CDCA2: variants seen among roughly 807,000 people sequenced by gnomAD.
CDCA2 encodes the protein cell division cycle associated 2.
A neutral mutation model predicts 67.0 loss-of-function variants in CDCA2; 44 were observed. The ratio of observed to expected loss-of-function variants is 0.66; its 90% confidence interval spans 0.52 to 0.84. The LOEUF is 0.84. CDCA2 is among the 40% of genes least tolerant of loss of function. The pLI is 0.00. For synonymous variants in CDCA2, 447 were observed against 418.7 expected, an observed-to-expected ratio of 1.07 and a Z score of -0.82; for missense variants, 1,253 against 1,203.2, an observed-to-expected ratio of 1.04 and a Z score of -0.61.
In CDCA2 at chr8:25,507,802, C is replaced by T; in HGVS notation, c.*64C>T. 11 of 1,486,652 alleles carry T rather than the reference C, an allele frequency of 7.4e-6. No homozygotes were observed. Among genetic ancestry groups the T allele is most frequent in the Non-Finnish European group, 9.8e-6 (11 of 1,120,926 alleles). 92.1% of individuals were successfully genotyped at this position (1,486,652 alleles called of 1,614,324 possible). On this transcript the variant is annotated 3_prime_UTR_variant, in exon 15 of 15. Transcript: ENST00000330560. Reference sequence around the variant, plus strand: ...AACCATCTATGCTGAAATGATCTGTCTAGTTCCCATTCTCTGTTCAACCTC... The same window carrying T: ...AACCATCTATGCTGAAATGATCTGTTTAGTTCCCATTCTCTGTTCAACCTC...
At chr8:25,506,330 G>A (rs541788586) in intron 14 of CDCA2, among the ~76,000 whole-genome samples, 180 bp from the exon 15 acceptor site, 8 of 152,276 alleles carry the variant, frequency 5.3e-5, no homozygotes, top group Admixed American at 3.3e-4. Context: ...CCTGTGGATC[G>A]TTGGAGAACT....
In CDCA2 at chr8:25,507,836, A is replaced by C; in HGVS notation, c.*98A>C. 1 of 1,282,084 alleles carries C rather than the reference A, an allele frequency of 7.8e-7. No individual in the cohort carries two copies. The highest frequency in any genetic ancestry group is 1.0e-6 in the Non-Finnish European group (1 of 968,312). 79.4% of individuals were successfully genotyped at this position (1,282,084 alleles called of 1,614,324 possible). A position where few individuals can be genotyped will look rare whatever the true frequency, so the allele number is the denominator to read the frequency against. On this transcript the variant is annotated 3_prime_UTR_variant, in exon 15 of 15. Coordinates refer to ENST00000330560, the MANE Select transcript of CDCA2 (RefSeq NM_152562.4). ...ATTCTCTGTTCAACCTCAGTGTTTC[A>C]AAAGTTCCTAATAAATAAACTCATT...
At chr8:25,475,081 A>G (rs1424076535) in intron 7 of CDCA2, among the ~76,000 whole-genome samples, 1 of 152,290 alleles carries the variant, frequency 6.6e-6, no homozygotes, top group African/African-American at 2.4e-5. Flanking sequence ...TGTACCTTTC[A>G]TGGGTAATTG....
At chr8:25,462,968 C>A (rs1212265866) in intron 4 of CDCA2, among the ~76,000 whole-genome samples, 1 of 152,164 alleles carries the variant, frequency 6.6e-6, no homozygotes. Context: ...AGTGCTCAAC[C>A]CAAACGAGGG....
intron 13 of CDCA2, among the ~76,000 whole-genome samples, chr8:25,497,189 G>C (rs1407512009): frequency 1.3e-5 from 2 of 151,982 alleles, no homozygotes; most frequent in Non-Finnish European, 2.9e-5. Context: ...AAACATTACG[G>C]GGGTTCCTCA....
intron 4 of CDCA2, among the ~76,000 whole-genome samples, chr8:25,464,189 G>A (rs924860076): frequency 2.0e-5 from 3 of 152,218 alleles, no homozygotes; most frequent in Admixed American, 2.0e-4. Flanking sequence ...AAAGGAGGGA[G>A]GATCGTTCGA....
intron 13 of CDCA2, among the ~76,000 whole-genome samples, chr8:25,500,398 A>C (rs1396919315): frequency 6.6e-6 from 1 of 152,218 alleles, no homozygotes; most frequent in Admixed American, 6.5e-5. Flanking sequence ...AATTAAAAGT[A>C]TATGAAGTAA....
rs776836284 is a variant in CDCA2 at position 25,483,990 on chromosome 8, C to G, written c.1145C>G (p.Pro382Arg). Residue 382 changes from proline to arginine, a missense_variant, in exon 10 of 15, where the codon CCT becomes CGT. Pro to Arg is a moderately radical substitution (Grantham distance 103). Coordinates refer to ENST00000330560, the MANE Select transcript of CDCA2 (RefSeq NM_152562.4). ...GAAGATGAAGAAAATTTTGAAGCAC[C>G]TGCCTTTCTAAATATGAGGAAGAGG... ...EAEDEENFEA[P>R]AFLNMRKRKR... The G allele has an allele frequency of 1.7e-5, 28 of 1,613,806 alleles. No individual in the cohort carries two copies. The highest frequency in any genetic ancestry group is 4.4e-5 in the South Asian group (4 of 91,058).
chr8:25,483,558 G>A (rs1803651797), intron 9 of CDCA2, 72 bp downstream of exon 9: 1 of 1,092,598 alleles, frequency 9.2e-7, no homozygotes, highest in South Asian at 1.4e-5. Context: ...TATAATATAT[G>A]AAATTTTCAA....
At chr8:25,477,929 C>CTTT (rs374545705) in intron 7 of CDCA2, among the ~76,000 whole-genome samples, 2 of 143,708 alleles carry the variant, frequency 1.4e-5, no homozygotes, top group Non-Finnish European at 3.1e-5. Context: ...TTTTCTTTTC[C>CTTT]TTTTTTTTTT....
chr8:25,500,349 T>G (rs1804423749), intron 13 of CDCA2, among the ~76,000 whole-genome samples: 1 of 151,820 alleles, frequency 6.6e-6, no homozygotes, highest in Non-Finnish European at 1.5e-5. Flanking sequence ...ACTGGGTCTA[T>G]GCCCTACAAT....
chr8:25,503,506 T>C lies in CDCA2; in HGVS notation c.1805T>C (p.Met602Thr), dbSNP rs747347003. 2 of 1,613,746 alleles carry C rather than the reference T, an allele frequency of 1.2e-6. No individual in the cohort carries two copies. The highest frequency in any genetic ancestry group is 2.2e-5 in the South Asian group (2 of 90,922). ...CCCGAGCTGCCTGAAGTCCCTGAGA[T>C]GACACCTTCCATTCCGAGCATCCGA... ...PIPELPEVPE[M>T]TPSIPSIRRL... is the part of the protein sequence containing the mutation. The change falls in exon 14 of 15, where the codon ATG becomes ACG. Residue 602 changes from methionine to threonine, a missense_variant. Coordinates refer to ENST00000330560, the MANE Select transcript of CDCA2 (RefSeq NM_152562.4).
rs1699431063 is a variant in CDCA2, at chr8:25,507,804, A to G, written c.*66A>G. On this transcript the variant is annotated 3_prime_UTR_variant, in exon 15 of 15. Transcript: ENST00000330560. ...CCATCTATGCTGAAATGATCTGTCT[A>G]GTTCCCATTCTCTGTTCAACCTCAG... 2.0e-6 allele frequency: 3 copies of G among 1,484,934 alleles called. No individual in the cohort carries two copies. In the Admixed American group the frequency reaches 7.0e-5, roughly 35 times the overall value. The allele number at this position is 1,484,934 out of a possible 1,614,324, so 92.0% of individuals were successfully genotyped here. A position where few individuals can be genotyped will look rare whatever the true frequency, so the allele number is the denominator to read the frequency against.
At chr8:25,468,532 GGTGTGTGTGTGTGTGTGTGTGTGTGC>G (rs1170466908) in intron 6 of CDCA2, 119 bp downstream of exon 6, 1 of 391,138 alleles carries the variant, frequency 2.6e-6, no homozygotes. Context: ...TGGTTCCTGG[GGTGTGTGTGTGTGTGTGTGTGTGTGC>G]GTGTGTGTGT....
intron 11 of CDCA2, among the ~76,000 whole-genome samples, chr8:25,486,233 T>C (rs1026475869): frequency 6.6e-6 from 1 of 152,228 alleles, no homozygotes; most frequent in Non-Finnish European, 1.5e-5. Context: ...CACATGTGCT[T>C]TCCAAGGTCT....
chr8:25,505,093 T>C (rs1804625370), intron 14 of CDCA2, among the ~76,000 whole-genome samples: 2 of 152,220 alleles, frequency 1.3e-5, no homozygotes, highest in African/African-American at 2.4e-5. Context: ...AGCTCCTTGC[T>C]TCCTTTATCT....
intron 7 of CDCA2, among the ~76,000 whole-genome samples, chr8:25,477,096 A>G (rs1803381969): frequency 6.6e-6 from 1 of 152,074 alleles, no homozygotes; most frequent in Non-Finnish European, 1.5e-5. Flanking sequence ...CTTGCCTCCC[A>G]TTCTTTCTTG....
At chr8:25,488,744 G>T in intron 13 of CDCA2, 55 bp downstream of exon 13, 12 of 1,386,722 alleles carry the variant, frequency 8.7e-6, no homozygotes, top group African/African-American at 1.5e-5. Context: ...TTTCCTTATT[G>T]TATAATTAGG....
At chr8:25,497,737 T>C (rs1166484624) in intron 13 of CDCA2, among the ~76,000 whole-genome samples, 1 of 152,196 alleles carries the variant, frequency 6.6e-6, no homozygotes, top group Non-Finnish European at 1.5e-5. Flanking sequence ...AATAATTATG[T>C]GAAGTGGTGG....
Sources: allele counts gnomAD v4.1 joint callset (sites outside exome capture counted in the v4.1 genomes callset), GRCh38; gene constraint gnomAD v4.1.1; transcripts MANE v1.5; gene names NCBI Gene and HGNC (gene_info 2026-07-23, HGNC 2026-07-21).